The following KCNE1 variants were observed in gnomAD, a reference collection of about 807,000 sequenced individuals.
KCNE1 encodes the protein potassium voltage-gated channel subfamily E member 1.
A neutral mutation model predicts 2.9 loss-of-function variants in KCNE1; 1 was observed. The ratio of observed to expected loss-of-function variants is 0.34; its 90% CI spans 0.12 to 1.62. The LOEUF is 1.62. KCNE1 is among the 40% of genes most tolerant of loss of function. The pLI is 0.36. For synonymous variants in KCNE1, 23 were observed against 65.4 expected (o/e 0.35, Z 3.13); for missense variants, 45 against 150.5 (o/e 0.30, Z 3.67).
chr21:34,501,231 C>T (rs1484292547), intron 2 of KCNE1, among the ~76,000 whole-genome samples: 1 of 152,204 alleles, frequency 6.6e-6, no homozygotes, highest in African/African-American at 2.4e-5. Context: ...CATTTTACAG[C>T]AGAGAGTAGG....
chr21:34,504,007 G>A (rs977029555), intron 2 of KCNE1, among the ~76,000 whole-genome samples: 3 of 152,158 alleles, frequency 2.0e-5, no homozygotes, highest in Non-Finnish European at 4.4e-5. Flanking sequence ...CCCCATGTCC[G>A]GTCACACAGA....
At chr21:34,506,885 C>T (rs186390889) in intron 2 of KCNE1, among the ~76,000 whole-genome samples, 4 of 152,186 alleles carry the variant, frequency 2.6e-5, no homozygotes, top group African/African-American at 4.8e-5. Context: ...CCAAAGGACA[C>T]GATGCTCAAG....
chr21:34,510,352 G>C (rs1213186020), intron 2 of KCNE1: 1 of 152,194 alleles, frequency 6.6e-6, no homozygotes, highest in Non-Finnish European at 1.5e-5. Flanking sequence ...CCCCTCACCG[G>C]GGCTCCGAAG....
intron 2 of KCNE1, among the ~76,000 whole-genome samples, chr21:34,495,961 G>A (rs1445284219): frequency 1.3e-5 from 2 of 152,070 alleles, no homozygotes; most frequent in East Asian, 1.9e-4. Context: ...TTCCTTGAGG[G>A]TGTGACCTTA....
At chr21:34,495,865 G>A (rs1982774867) in intron 2 of KCNE1, among the ~76,000 whole-genome samples, 1 of 151,888 alleles carries the variant, frequency 6.6e-6, no homozygotes, top group Non-Finnish European at 1.5e-5. Flanking sequence ...TAATGTTGTT[G>A]TTTACATTTC....
At chr21:34,506,514 C>T (rs1983497210) in intron 2 of KCNE1, among the ~76,000 whole-genome samples, 2 of 152,108 alleles carry the variant, frequency 1.3e-5, no homozygotes, top group Admixed American at 6.5e-5. Context: ...CCCACTTTGC[C>T]TTAGGTTCCA....
chr21:34,499,099 T>C (rs1266121999), intron 2 of KCNE1, among the ~76,000 whole-genome samples: 2 of 152,152 alleles, frequency 1.3e-5, no homozygotes, highest in Admixed American at 1.3e-4. Context: ...AGAATGTGGT[T>C]CTCAGGCCAA....
intron 2 of KCNE1, among the ~76,000 whole-genome samples, chr21:34,504,520 AAC>A (rs1199575797): frequency 6.6e-6 from 1 of 152,188 alleles, no homozygotes; most frequent in African/African-American, 2.4e-5. Context: ...CCAAATGTTA[AAC>A]ACAGAGCTAT....
At chr21:34,495,891 G>T (rs113436632) in intron 2 of KCNE1, among the ~76,000 whole-genome samples, 1 of 151,954 alleles carries the variant, frequency 6.6e-6, no homozygotes, top group African/African-American at 2.4e-5. Context: ...GTTCTGCTAT[G>T]ATCTTTGTTA....
Position 34,500,580 on chromosome 21 carries a change from C to T in KCNE1, c.-162+10521G>A, listed in dbSNP as rs138253425. ...TTGAAAGTACAGAGAATTCTTTCTT[C>T]CAGCCCTATCCCTCTACACCATTCC... On this transcript the variant is annotated intron_variant, in intron 2 of 3. Transcript: ENST00000399286. Among the ~76,000 whole-genome samples, 391 of 152,286 alleles carry T rather than the reference C, an allele frequency of 2.6e-3. 5 individuals are homozygous for T. Among genetic ancestry groups the T allele is most frequent in the African/African-American group, 8.8e-3 (365 of 41,558 alleles).
At chr21:34,505,281 C>T (rs990121099) in intron 2 of KCNE1, among the ~76,000 whole-genome samples, 2 of 151,968 alleles carry the variant, frequency 1.3e-5, no homozygotes, top group African/African-American at 2.4e-5. Flanking sequence ...TTACAGGCAC[C>T]CGACACCACA....
chr21:34,502,531 G>T (rs532441797), intron 2 of KCNE1, among the ~76,000 whole-genome samples: 2 of 152,288 alleles, frequency 1.3e-5, no homozygotes, highest in African/African-American at 4.8e-5. Flanking sequence ...GTGGACTTAC[G>T]TTAGAGCCCT....
intron 2 of KCNE1, among the ~76,000 whole-genome samples, chr21:34,497,013 G>A (rs1982852072): frequency 6.6e-6 from 1 of 152,106 alleles, no homozygotes. Context: ...TTTGCATGGA[G>A]TATCTGTTTC....
intron 2 of KCNE1, among the ~76,000 whole-genome samples, chr21:34,507,315 C>T (rs775292491): frequency 6.6e-6 from 1 of 152,114 alleles, no homozygotes; most frequent in African/African-American, 2.4e-5. Flanking sequence ...CAGGAGACAC[C>T]TTTTATGGCC....
intron 2 of KCNE1, among the ~76,000 whole-genome samples, chr21:34,502,511 T>G (rs1311373663): frequency 1.3e-5 from 2 of 152,176 alleles, no homozygotes; most frequent in African/African-American, 4.8e-5. Flanking sequence ...GTCCTGTCCT[T>G]TATATGGGTG....
intron 2 of KCNE1, among the ~76,000 whole-genome samples, chr21:34,505,051 C>A (rs767713469): frequency 6.6e-6 from 1 of 152,060 alleles, no homozygotes; most frequent in African/African-American, 2.4e-5. Flanking sequence ...ATTAAATGGG[C>A]GAATTGTATA....
chr21:34,497,009 T>C (rs1982851784), intron 2 of KCNE1, among the ~76,000 whole-genome samples: 1 of 152,222 alleles, frequency 6.6e-6, no homozygotes, highest in Non-Finnish European at 1.5e-5. Flanking sequence ...TCCATTTGCA[T>C]GGAGTATCTG....
chr21:34,510,469 T>G (rs1046157337), intron 2 of KCNE1: 3 of 152,444 alleles, frequency 2.0e-5, no homozygotes, highest in African/African-American at 7.2e-5. Context: ...TGCACACTTG[T>G]CTGACAGCCT....
intron 2 of KCNE1, 69 bp downstream of exon 2, chr21:34,511,032 G>T (rs78212356): frequency 2.2e-4 from 112 of 507,958 alleles, no homozygotes; most frequent in African/African-American, 2.2e-3. Flanking sequence ...CTGATGTCAG[G>T]GTGGGCATGA....
Sources: allele counts gnomAD v4.1 joint callset (sites outside exome capture counted in the v4.1 genomes callset), GRCh38; gene constraint gnomAD v4.1.1; transcripts MANE v1.5; gene names NCBI Gene and HGNC (gene_info 2026-07-23, HGNC 2026-07-21).